ST8SIA1: variants seen among roughly 807,000 people sequenced by gnomAD.
ST8SIA1 encodes ST8 alpha-N-acetyl-neuraminide alpha-2,8-sialyltransferase 1, also known as alpha-N-acetylneuraminide alpha-2,8-sialyltransferase.
A neutral mutation model predicts 35.9 loss-of-function variants in ST8SIA1; 16 were observed. That is an observed-to-expected ratio of 0.45 (90% CI 0.30 to 0.68). The LOEUF is 0.68. ST8SIA1 is among the 30% of genes least tolerant of loss of function. ST8SIA1 has a pLI of 0.09. For synonymous variants in ST8SIA1, 170 were observed against 169.6 expected (o/e 1.00, Z -0.02); for missense variants, 383 against 453.6 (o/e 0.84, Z 1.41).
At chr12:22,317,868 T>C (rs1447172804) in intron 1 of ST8SIA1, among the ~76,000 whole-genome samples, 2 of 152,194 alleles carry the variant, frequency 1.3e-5, no homozygotes, top group Admixed American at 6.5e-5. Flanking sequence ...GTATAACACA[T>C]GTTGAGTGTA....
chr12:22,272,581 T>A (rs370206831), intron 2 of ST8SIA1, among the ~76,000 whole-genome samples: 1 of 152,258 alleles, frequency 6.6e-6, no homozygotes, highest in South Asian at 2.1e-4. Flanking sequence ...TGGGCCAAGA[T>A]AAATTGAAAA....
intron 4 of ST8SIA1, among the ~76,000 whole-genome samples, chr12:22,224,281 T>C (rs1865331474): frequency 6.6e-6 from 1 of 151,558 alleles, no homozygotes. Context: ...CCTGTTTACA[T>C]ATCATCTTTA....
intron 3 of ST8SIA1, among the ~76,000 whole-genome samples, chr12:22,252,814 C>T (rs943879176): frequency 2.0e-5 from 3 of 152,194 alleles, no homozygotes; most frequent in Non-Finnish European, 2.9e-5. Flanking sequence ...CATTAGTAAA[C>T]GTCCATCTTC....
chr12:22,324,999 AATAC>A (rs1218527586), intron 1 of ST8SIA1: 1 of 153,126 alleles, frequency 6.5e-6, no homozygotes, highest in Non-Finnish European at 1.5e-5. Flanking sequence ...AAATATACAA[AATAC>A]ATACAATTTA....
intron 1 of ST8SIA1, among the ~76,000 whole-genome samples, chr12:22,332,602 G>A (rs1027603388): frequency 1.3e-5 from 2 of 152,146 alleles, no homozygotes; most frequent in Non-Finnish European, 2.9e-5. Context: ...ATACTTTTAG[G>A]AAGAGTGAGG....
rs1176045113 is a variant in ST8SIA1 at position 22,196,268 on chromosome 12, G to C, written c.*5284C>G. 6.6e-6 allele frequency: 1 copy of C among 152,162 alleles called. No homozygotes were observed. Among genetic ancestry groups the C allele is most frequent in the African/African-American group, 2.4e-5 (1 of 41,436 alleles). 9.4% of individuals were successfully genotyped at this position (152,162 alleles called of 1,614,324 possible). A position where few individuals can be genotyped will look rare whatever the true frequency, so the allele number is the denominator to read the frequency against. On this transcript the variant is annotated 3_prime_UTR_variant, in exon 5 of 5. Transcript: ENST00000396037. ...GAAGAAATCAGAAATGTTGGCACCA[G>C]AGAAAACAAATTAGAGGGAAACAGA... is the stretch of plus-strand genomic sequence containing the variant.
At chr12:22,254,834 C>T (rs866221303) in intron 3 of ST8SIA1, among the ~76,000 whole-genome samples, 6 of 152,116 alleles carry the variant, frequency 3.9e-5, no homozygotes, top group African/African-American at 1.4e-4. Flanking sequence ...AGATTTAATC[C>T]GTCTTCAGAT....
chr12:22,325,351 A>G (rs1866661438), intron 1 of ST8SIA1: 3 of 687,788 alleles, frequency 4.4e-6, no homozygotes, highest in Non-Finnish European at 7.9e-6. Flanking sequence ...TAAGATCTGA[A>G]AAATGGAGAA....
intron 1 of ST8SIA1, 22 bp from the exon 2 acceptor site, chr12:22,287,315 G>A (rs766558754): frequency 5.6e-6 from 9 of 1,606,298 alleles, no homozygotes; most frequent in Non-Finnish European, 7.7e-6. Context: ...AACAGAGAGA[G>A]AGAAAAGAAC....
chr12:22,269,075 G>A (rs180701376), intron 2 of ST8SIA1, among the ~76,000 whole-genome samples: 290 of 152,270 alleles, frequency 1.9e-3, no homozygotes, highest in South Asian at 6.0e-3. Flanking sequence ...GACCCAGGCA[G>A]GGCCCTGGCA....
chr12:22,286,006 C>T (rs1457634403), intron 2 of ST8SIA1, among the ~76,000 whole-genome samples: 1 of 151,732 alleles, frequency 6.6e-6, no homozygotes, highest in Non-Finnish European at 1.5e-5. Flanking sequence ...TCTCAGACGA[C>T]TTAGGTAATC....
intron 1 of ST8SIA1, among the ~76,000 whole-genome samples, chr12:22,291,564 T>A (rs1321835627): frequency 6.6e-6 from 1 of 152,234 alleles, no homozygotes; most frequent in Admixed American, 6.5e-5. Flanking sequence ...GATCATTTGA[T>A]CTTGCATGTC....
At chr12:22,257,902 T>C (rs552587478) in intron 2 of ST8SIA1, among the ~76,000 whole-genome samples, 1 of 152,004 alleles carries the variant, frequency 6.6e-6, no homozygotes, top group Non-Finnish European at 1.5e-5. Context: ...ATCACTATAC[T>C]GCTATGAGAA....
At position 22,255,328 on chromosome 12, in the gene ST8SIA1, T is replaced by G; in HGVS notation, c.443A>C (p.Lys148Thr). ...CAVVGNGGIL[K>T]KSGCGRQIDE... The stretch of plus-strand genomic sequence containing the variant: ...TATTTGACGGCCACAGCCACTCTTC[T>G]TCAGAATCCCACCATTTCCCACCAC... The change falls in exon 3 of 5, where the codon AAG becomes ACG. Residue 148 changes from lysine to threonine, a missense_variant. Physicochemically the swap from Lys to Thr is moderately conservative, Grantham distance 78 (BLOSUM62 -1). Transcript: ENST00000396037. 1 of 1,614,180 alleles carries G rather than the reference T, an allele frequency of 6.2e-7. No homozygotes were observed. Among genetic ancestry groups the G allele is most frequent in the Non-Finnish European group, 8.5e-7 (1 of 1,180,022 alleles).
At chr12:22,227,156 G>C (rs1324192344) in intron 4 of ST8SIA1, among the ~76,000 whole-genome samples, 1 of 151,870 alleles carries the variant, frequency 6.6e-6, no homozygotes, top group Non-Finnish European at 1.5e-5. Flanking sequence ...ATGTTGGCCA[G>C]AATGGTCTAG....
chr12:22,254,391 T>C (rs1478474206), intron 3 of ST8SIA1, among the ~76,000 whole-genome samples: 1 of 151,970 alleles, frequency 6.6e-6, no homozygotes, highest in Non-Finnish European at 1.5e-5. Context: ...AATGACCCCA[T>C]CATCTGACCC....
intron 4 of ST8SIA1, among the ~76,000 whole-genome samples, chr12:22,239,542 C>G (rs1226400346): frequency 2.0e-5 from 3 of 152,178 alleles, no homozygotes; most frequent in South Asian, 2.1e-4. Flanking sequence ...TTTGGATATT[C>G]TCTTATTGGC....
At chr12:22,293,365 C>T (rs1447945222) in intron 1 of ST8SIA1, among the ~76,000 whole-genome samples, 1 of 152,230 alleles carries the variant, frequency 6.6e-6, no homozygotes, top group African/African-American at 2.4e-5. Context: ...AATCTTGTCT[C>T]CCCAAAGTTC....
intron 1 of ST8SIA1, among the ~76,000 whole-genome samples, chr12:22,308,536 C>G (rs1354103948): frequency 6.6e-6 from 1 of 152,116 alleles, no homozygotes; most frequent in East Asian, 1.9e-4. Context: ...AAGAAAAATT[C>G]TTTCAAATAT....
Sources: gnomAD v4.1 joint callset for allele counts (sites outside exome capture counted in the v4.1 genomes callset) on GRCh38, gnomAD v4.1.1 for gene constraint, MANE v1.5 for transcripts, NCBI Gene and HGNC (gene_info 2026-07-23, HGNC 2026-07-21) for gene names.